The following GRK3 variants were observed in gnomAD, a reference collection of about 807,000 sequenced individuals.
GRK3 encodes the protein G protein-coupled receptor kinase 3, also known as adrenergic, beta, receptor kinase 2.
A neutral mutation model predicts 95.7 loss-of-function variants in GRK3; 54 were observed. The ratio of observed to expected loss-of-function variants is 0.56; its 90% CI spans 0.45 to 0.71. The LOEUF (loss-of-function observed/expected upper bound fraction) is 0.71. GRK3 is among the 30% of genes least tolerant of loss of function. GRK3 has a pLI of 0.00. For synonymous variants in GRK3, 281 were observed against 290.8 expected, an observed-to-expected ratio of 0.97 and a Z score of 0.34; for missense variants, 649 against 851.2, an observed-to-expected ratio of 0.76 and a Z score of 2.96.
intron 1 of GRK3, among the ~76,000 whole-genome samples, chr22:25,582,546 C>G (rs986468227): frequency 6.6e-6 from 1 of 152,120 alleles, no homozygotes; most frequent in Non-Finnish European, 1.5e-5. Flanking sequence ...AGTGCTCATT[C>G]ATCTGAAGAA....
intron 6 of GRK3, among the ~76,000 whole-genome samples, chr22:25,670,713 C>A (rs2084973873): frequency 6.6e-6 from 1 of 151,912 alleles, no homozygotes; most frequent in African/African-American, 2.4e-5. Context: ...AGAATGTTCT[C>A]TACGAAGTAT....
intron 3 of GRK3, among the ~76,000 whole-genome samples, chr22:25,650,128 A>C (rs1042924074): frequency 5.3e-5 from 8 of 151,704 alleles, no homozygotes; most frequent in Admixed American, 2.0e-4. Flanking sequence ...AGTAGCTGGG[A>C]TTACAGGTAG....
chr22:25,582,025 C>T (rs1241400088), intron 1 of GRK3, among the ~76,000 whole-genome samples: 3 of 151,932 alleles, frequency 2.0e-5, no homozygotes, highest in Non-Finnish European at 2.9e-5. Context: ...GCCTGTAATC[C>T]CAGCACTTTG....
intron 1 of GRK3, among the ~76,000 whole-genome samples, chr22:25,581,984 A>G (rs191288213): frequency 3.9e-4 from 59 of 152,292 alleles, no homozygotes; most frequent in Non-Finnish European, 5.6e-4. Flanking sequence ...TCATTTTAAA[A>G]TAAATAAGTG....
intron 2 of GRK3, among the ~76,000 whole-genome samples, chr22:25,607,918 C>G (rs1046903848): frequency 2.6e-5 from 4 of 152,100 alleles, no homozygotes; most frequent in African/African-American, 9.7e-5. Flanking sequence ...CTGTTTCCTA[C>G]ATTTCCTGTA....
At chr22:25,693,941 G>T (rs753650191) in intron 12 of GRK3, among the ~76,000 whole-genome samples, 1 of 151,986 alleles carries the variant, frequency 6.6e-6, no homozygotes. Flanking sequence ...ACAGGCATGC[G>T]CCACCACGCC....
chr22:25,698,427 G>A (rs1459164029), intron 13 of GRK3, among the ~76,000 whole-genome samples: 1 of 152,198 alleles, frequency 6.6e-6, no homozygotes, highest in Non-Finnish European at 1.5e-5. Context: ...GATGTGCTGC[G>A]AGCACAGACA....
intron 17 of GRK3, among the ~76,000 whole-genome samples, chr22:25,713,035 A>T (rs1351486135): frequency 6.6e-6 from 1 of 152,226 alleles, no homozygotes; most frequent in Non-Finnish European, 1.5e-5. Flanking sequence ...GTTCTTTTTT[A>T]AAAAAATTCA....
At chr22:25,611,512 T>C (rs922315434) in intron 2 of GRK3, among the ~76,000 whole-genome samples, 4 of 152,350 alleles carry the variant, frequency 2.6e-5, no homozygotes, top group African/African-American at 7.2e-5. Context: ...TTGTATCCAT[T>C]TGAATGGATA....
At position 25,680,458 on chromosome 22, in the gene GRK3, A is replaced by C. The variant is rs565915890; in HGVS notation, c.747+1543A>C. On this transcript the variant is annotated intron_variant, in intron 9 of 20. Transcript: ENST00000324198. ...TTAAAATATTAATTTTCAGTGAGTT[A>C]TCTCAAAGCCTTGGATATTTATTCT... Among the ~76,000 whole-genome samples, 9 of 152,264 alleles carry C rather than the reference A, an allele frequency of 5.9e-5. 1 individual carries two copies. In the South Asian group the frequency reaches 1.9e-3, roughly 31 times the overall value.
intron 2 of GRK3, among the ~76,000 whole-genome samples, chr22:25,632,710 G>A (rs530110306): frequency 7.9e-5 from 12 of 152,072 alleles, no homozygotes; most frequent in African/African-American, 2.9e-4. Flanking sequence ...ACATATTTTT[G>A]CAGAGATGTT....
intron 1 of GRK3, among the ~76,000 whole-genome samples, chr22:25,577,028 T>C (rs986552076): frequency 5.3e-5 from 8 of 152,238 alleles, no homozygotes; most frequent in African/African-American, 1.9e-4. Context: ...CTAAGCTACA[T>C]GTCATGAGTT....
chr22:25,719,737 T>C (rs1410982876), intron 19 of GRK3, among the ~76,000 whole-genome samples: 1 of 150,506 alleles, frequency 6.6e-6, no homozygotes, highest in Non-Finnish European at 1.5e-5. Flanking sequence ...AGCAGGACGA[T>C]GGTCCCAAAC....
At chr22:25,698,646 T>C (rs1051922434) in intron 13 of GRK3, among the ~76,000 whole-genome samples, 5 of 152,280 alleles carry the variant, frequency 3.3e-5, no homozygotes, top group African/African-American at 1.2e-4. Context: ...GATGCAGTGC[T>C]GGGAAGTTTG....
chr22:25,615,474 C>T (rs2084531254), intron 2 of GRK3, among the ~76,000 whole-genome samples: 2 of 152,178 alleles, frequency 1.3e-5, no homozygotes, highest in Admixed American at 1.3e-4. Context: ...GATGGTTTTA[C>T]ACCTTGTCTT....
In GRK3 at chr22:25,712,004, G is replaced by C. The variant is rs570843447; in HGVS notation, c.1491+841G>C. Among the ~76,000 whole-genome samples the C allele has an allele frequency of 3.9e-5, 6 of 152,380 alleles. No homozygotes were observed. The East Asian group carries it at 9.6e-4, about 24-fold the overall frequency. ...CTGGAGACACGTAGGACTGGGACCA[G>C]CTAGACTGTGGGACAGAAAAGCCAG... is the stretch of plus-strand genomic sequence containing the variant. On this transcript the variant is annotated intron_variant, in intron 17 of 20. Transcript: ENST00000324198.
intron 2 of GRK3, among the ~76,000 whole-genome samples, chr22:25,625,400 C>G (rs986957465): frequency 6.6e-6 from 1 of 152,228 alleles, no homozygotes; most frequent in Non-Finnish European, 1.5e-5. Context: ...AGAGTGCGAA[C>G]TTTCTGTTAT....
chr22:25,644,666 G>C lies in GRK3; in HGVS notation c.264+1G>C. 6.6e-7 allele frequency: 1 copy of C among 1,516,646 alleles called. No individual in the cohort carries two copies. The highest frequency in any genetic ancestry group is 9.1e-7 in the Non-Finnish European group (1 of 1,102,616). 93.9% of individuals were successfully genotyped at this position (1,516,646 alleles called of 1,614,324 possible). On this transcript the variant is annotated splice_donor_variant, in intron 3 of 20. Coordinates refer to ENST00000324198, the MANE Select transcript of GRK3 (RefSeq NM_005160.4). LOFTEE classifies it high-confidence loss of function. ...ACCTCAGGTGAAGTTTTATGAAGAG[G>C]TAAGAAGTAACTGTTTTACTGATGC...
chr22:25,686,222 A>G (rs77134678), intron 10 of GRK3, among the ~76,000 whole-genome samples: 31 of 142,058 alleles, frequency 2.2e-4, no homozygotes, highest in Admixed American at 2.1e-3. Flanking sequence ...ACTCCGTCTC[A>G]AAAAAAAAAA....
Sources: allele counts gnomAD v4.1 joint callset (sites outside exome capture counted in the v4.1 genomes callset), GRCh38; gene constraint gnomAD v4.1.1; transcripts MANE v1.5; gene names NCBI Gene and HGNC (gene_info 2026-07-23, HGNC 2026-07-21).